SDK1: variants seen among roughly 807,000 people sequenced by gnomAD.
SDK1 encodes the protein protein sidekick-1.
In SDK1, 157 loss-of-function variants were observed where a neutral mutation model predicts 245.5. The observed-to-expected ratio is 0.64, with a 90% CI of 0.56 to 0.73. The LOEUF is 0.73. Ranked by LOEUF, SDK1 falls within the 30% of genes least tolerant of loss-of-function variation. The pLI, the probability that SDK1 is intolerant of heterozygous loss-of-function variation, is 0.00. For missense variants in SDK1, 3,583 were observed against 3,002.3 expected, an observed-to-expected ratio of 1.19 and a Z score of -4.52; for synonymous variants, 1,647 against 1,278.5, an observed-to-expected ratio of 1.29 and a Z score of -6.15.
At chr7:3,921,955 G>C (rs1779600233) in intron 5 of SDK1, among the ~76,000 whole-genome samples, 1 of 152,198 alleles carries the variant, frequency 6.6e-6, no homozygotes, top group African/African-American at 2.4e-5. Flanking sequence ...AACAGAGTTA[G>C]GCCCTGTCTC....
chr7:3,682,566 A>C (rs1784136768), intron 4 of SDK1, among the ~76,000 whole-genome samples: 1 of 152,286 alleles, frequency 6.6e-6, no homozygotes, highest in Admixed American at 6.5e-5. Context: ...TGCATGGGGC[A>C]GTGAGCCTTC....
intron 1 of SDK1, among the ~76,000 whole-genome samples, chr7:3,346,998 C>G (rs1335477713): frequency 1.3e-5 from 2 of 151,112 alleles, no homozygotes; most frequent in Non-Finnish European, 2.9e-5. Context: ...TCTCCTCCTT[C>G]TCTGCTAAAC....
intron 16 of SDK1, among the ~76,000 whole-genome samples, chr7:4,012,766 G>T (rs558326539): frequency 6.6e-6 from 1 of 151,476 alleles, no homozygotes; most frequent in Admixed American, 6.6e-5. Context: ...TAGAGACAGG[G>T]TTTCACCATG....
chr7:3,486,259 GGTTGT>G (rs1781691238), intron 1 of SDK1, among the ~76,000 whole-genome samples: 2 of 142,234 alleles, frequency 1.4e-5, no homozygotes, highest in South Asian at 5.0e-4. Flanking sequence ...TAATATCTGA[GGTTGT>G]TTTCTTTTCC....
At chr7:3,759,919 C>T (rs1024032321) in intron 4 of SDK1, among the ~76,000 whole-genome samples, 38 of 152,220 alleles carry the variant, frequency 2.5e-4, no homozygotes, top group African/African-American at 9.1e-4. Flanking sequence ...AAGTTGTCCG[C>T]ATTCTTTTGT....
At chr7:3,443,661 G>T (rs1780260964) in intron 1 of SDK1, among the ~76,000 whole-genome samples, 1 of 152,156 alleles carries the variant, frequency 6.6e-6, no homozygotes, top group Admixed American at 6.5e-5. Context: ...TTTGATTTGT[G>T]CTTACTTTCT....
chr7:3,629,783 C>T (rs768913054), intron 2 of SDK1, among the ~76,000 whole-genome samples: 3 of 152,218 alleles, frequency 2.0e-5, no homozygotes, highest in Non-Finnish European at 4.4e-5. Flanking sequence ...AATCAAAGAT[C>T]ATCAAGCATA....
chr7:3,540,785 T>C (rs1181144531), intron 1 of SDK1, among the ~76,000 whole-genome samples: 3 of 152,224 alleles, frequency 2.0e-5, no homozygotes, highest in Non-Finnish European at 4.4e-5. Context: ...ATATAAATTT[T>C]TATGTTGAAA....
intron 1 of SDK1, among the ~76,000 whole-genome samples, chr7:3,375,803 A>G (rs1781341710): frequency 1.3e-5 from 2 of 152,174 alleles, no homozygotes; most frequent in South Asian, 2.1e-4. Context: ...CTTGCCTGCA[A>G]CCTCATGTGG....
At chr7:3,790,913 A>T (rs1583416831) in intron 4 of SDK1, among the ~76,000 whole-genome samples, 1 of 152,132 alleles carries the variant, frequency 6.6e-6, no homozygotes, top group Admixed American at 6.5e-5. Flanking sequence ...TAAAGTGTGT[A>T]GAAATTAACT....
At chr7:3,310,452 A>T (rs1779523678) in intron 1 of SDK1, among the ~76,000 whole-genome samples, 1 of 152,296 alleles carries the variant, frequency 6.6e-6, no homozygotes, top group Middle Eastern at 3.4e-3. Context: ...AGAGAGGTAG[A>T]TGCACTAGAG....
intron 14 of SDK1, among the ~76,000 whole-genome samples, chr7:4,000,174 A>T (rs1327607229): frequency 6.6e-6 from 1 of 152,190 alleles, no homozygotes; most frequent in African/African-American, 2.4e-5. Context: ...ACGTGGAAGT[A>T]GGAGGCCTGC....
chr7:3,349,389 G>A (rs1303449728), intron 1 of SDK1, among the ~76,000 whole-genome samples: 1 of 152,122 alleles, frequency 6.6e-6, no homozygotes, highest in Non-Finnish European at 1.5e-5. Flanking sequence ...CCAACTGGAA[G>A]GGGAATGGGG....
chr7:3,395,331 TATC>T (rs1379402341), intron 1 of SDK1, among the ~76,000 whole-genome samples: 2 of 151,976 alleles, frequency 1.3e-5, no homozygotes, highest in East Asian at 1.9e-4. Flanking sequence ...AAAGATGGCT[TATC>T]ATCTTTTTTT....
intron 5 of SDK1, among the ~76,000 whole-genome samples, chr7:3,915,330 T>G (rs763856053): frequency 1.3e-5 from 2 of 152,198 alleles, no homozygotes; most frequent in Non-Finnish European, 2.9e-5. Flanking sequence ...GGTTTGGCTG[T>G]GTCCCCACCC....
At chr7:4,048,248 C>A (rs573367910) in intron 17 of SDK1, among the ~76,000 whole-genome samples, 1 of 152,126 alleles carries the variant, frequency 6.6e-6, no homozygotes, top group Non-Finnish European at 1.5e-5. Context: ...AGAACAAGCA[C>A]CTGAAGAACC....
At position 4,079,490 on chromosome 7, in the gene SDK1, T is replaced by G. The variant is rs1327124953; in HGVS notation, c.3230T>G (p.Val1077Gly). The change falls in exon 22 of 45, where the codon GTC becomes GGC. Residue 1077 changes from valine to glycine, a missense_variant. Physicochemically the swap from Val to Gly is moderately radical, Grantham distance 109. Coordinates refer to ENST00000404826, the MANE Select transcript of SDK1 (RefSeq NM_152744.4). ...PDLPGAPSNL[V>G]ISNISPRSAT... Reference sequence around the variant, plus strand: ...CTTCCTGGTGCCCCATCCAACCTGGTCATTTCCAACATCAGCCCTCGCTCC... The same window carrying G: ...CTTCCTGGTGCCCCATCCAACCTGGGCATTTCCAACATCAGCCCTCGCTCC... 1 of 1,614,210 alleles carries G rather than the reference T, an allele frequency of 6.2e-7. No homozygotes were observed. Among genetic ancestry groups the G allele is most frequent in the South Asian group, 1.1e-5 (1 of 91,088 alleles).
chr7:3,744,355 G>C (rs1330821805), intron 4 of SDK1, among the ~76,000 whole-genome samples: 1 of 151,708 alleles, frequency 6.6e-6, no homozygotes, highest in Admixed American at 6.6e-5. Flanking sequence ...TTCATTGTTT[G>C]TAATGTCTAT....
At position 3,751,744 on chromosome 7, in the gene SDK1, A is replaced by T. The variant is rs1404192490; in HGVS notation, c.714-69706A>T. Among the ~76,000 whole-genome samples, 3 of 152,262 alleles carry T rather than the reference A, an allele frequency of 2.0e-5. No individual in the cohort carries two copies. The South Asian group carries it at 6.2e-4, about 32-fold the overall frequency. ...GGGGTTCCAGTCAAGGAGGCTTCCAACCAGTGCCCTGAGGTCACCTTGCCT... is the reference window on the plus strand; with the variant it reads ...GGGGTTCCAGTCAAGGAGGCTTCCATCCAGTGCCCTGAGGTCACCTTGCCT... On this transcript the variant is annotated intron_variant, in intron 4 of 44. Coordinates refer to ENST00000404826, the MANE Select transcript of SDK1 (RefSeq NM_152744.4).
Sources: gnomAD v4.1 joint callset for allele counts (sites outside exome capture counted in the v4.1 genomes callset) on GRCh38, gnomAD v4.1.1 for gene constraint, MANE v1.5 for transcripts, NCBI Gene and HGNC (gene_info 2026-07-23, HGNC 2026-07-21) for gene names.